The following TTC19 variants were observed in gnomAD, a reference collection of about 807,000 sequenced individuals.
The protein encoded by TTC19 is tetratricopeptide repeat protein 19, mitochondrial.
TTC19 carries 38 observed loss-of-function variants against 49.5 expected under a neutral mutation model. That is an observed-to-expected ratio of 0.77 (90% CI 0.59 to 1.01). TTC19 has a LOEUF of 1.01. Among genes scored for constraint, TTC19 ranks in the 50% least tolerant of loss-of-function variants. TTC19 has a pLI of 0.00. For missense variants in TTC19, 475 were observed against 477.7 expected, an observed-to-expected ratio of 0.99 and a Z score of 0.05; for synonymous variants, 204 against 185.2, an observed-to-expected ratio of 1.10 and a Z score of -0.83.
chr17:16,041,799 C>T (rs372736284), intron 2 of TTC19, among the ~76,000 whole-genome samples: 12 of 150,262 alleles, frequency 8.0e-5, no homozygotes, highest in East Asian at 4.0e-4. Context: ...TGCAGCGGTG[C>T]GATCTTGGCT....
chr17:16,023,503 A>G (rs569250137), intron 7 of TTC19: 1 of 152,346 alleles, frequency 6.6e-6, no homozygotes, highest in South Asian at 2.1e-4. Flanking sequence ...CCATTTACAA[A>G]ATACAGTAAT....
At chr17:16,006,766 G>A (rs1970921019) in intron 7 of TTC19, among the ~76,000 whole-genome samples, 198 bp downstream of exon 7, 1 of 151,488 alleles carries the variant, frequency 6.6e-6, no homozygotes, top group African/African-American at 2.4e-5. Flanking sequence ...TTTTGGTGGT[G>A]GTTTTTTTTT....
intron 7 of TTC19, among the ~76,000 whole-genome samples, chr17:16,007,691 A>G (rs1970952318): frequency 6.6e-6 from 1 of 152,228 alleles, no homozygotes; most frequent in Non-Finnish European, 1.5e-5. Context: ...TACACTGGAC[A>G]AAGATGATTC....
chr17:16,022,187 C>G (rs1567585506), intron 7 of TTC19, among the ~76,000 whole-genome samples: 2 of 152,170 alleles, frequency 1.3e-5, no homozygotes, highest in Non-Finnish European at 2.9e-5. Context: ...ATTACAGAGA[C>G]AACTCAAGCT....
At chr17:16,020,555 T>C (rs1212396814) in intron 7 of TTC19, among the ~76,000 whole-genome samples, 1 of 152,200 alleles carries the variant, frequency 6.6e-6, no homozygotes. Flanking sequence ...TAATGACATC[T>C]CTATATTGGG....
At chr17:16,019,669 G>A (rs986349696) in intron 7 of TTC19, among the ~76,000 whole-genome samples, 6 of 152,200 alleles carry the variant, frequency 3.9e-5, no homozygotes, top group Non-Finnish European at 8.8e-5. Flanking sequence ...CCATGGTATA[G>A]TAGTCCATTG....
intron 8 of TTC19, 27 bp downstream of exon 8, chr17:16,025,198 A>G: frequency 6.2e-7 from 1 of 1,607,626 alleles, no homozygotes; most frequent in Non-Finnish European, 8.5e-7. Context: ...CAGAAGGGGG[A>G]ATATAAAACA....
At chr17:16,015,731 A>G (rs2151665577) in intron 7 of TTC19, among the ~76,000 whole-genome samples, 1 of 152,286 alleles carries the variant, frequency 6.6e-6, no homozygotes, top group Middle Eastern at 3.4e-3. Flanking sequence ...TTATCAATAA[A>G]ATGAAAATAA....
At chr17:16,014,062 C>T (rs1971148132) in intron 7 of TTC19, among the ~76,000 whole-genome samples, 1 of 152,152 alleles carries the variant, frequency 6.6e-6, no homozygotes, top group Non-Finnish European at 1.5e-5. Context: ...TGGCTTTTTC[C>T]CCATGCTCCC....
rs553010912 is a variant in TTC19 at position 16,015,025 on chromosome 17, G to A, written c.676+8457G>A. Reference sequence around the variant, plus strand: ...TATTTAATGCTGATATGTAACTTGCGTTTCTTATGAGATCCACAGTAAATT... The same window carrying A: ...TATTTAATGCTGATATGTAACTTGCATTTCTTATGAGATCCACAGTAAATT... On this transcript the variant is annotated intron_variant, in intron 7 of 9. Coordinates refer to ENST00000261647, the MANE Select transcript of TTC19 (RefSeq NM_017775.4). Among the ~76,000 whole-genome samples the A allele has an allele frequency of 1.7e-4, 26 of 152,216 alleles. No individual in the cohort carries two copies. In the East Asian group the frequency reaches 2.7e-3, roughly 16 times the overall value.
At chr17:16,015,375 C>A (rs1011450406) in intron 7 of TTC19, among the ~76,000 whole-genome samples, 1 of 143,054 alleles carries the variant, frequency 7.0e-6, no homozygotes, top group Non-Finnish European at 1.5e-5. Context: ...TATGGGTGAA[C>A]AAATTTTATA....
At chr17:16,015,592 A>C (rs1207943607) in intron 7 of TTC19, among the ~76,000 whole-genome samples, 1 of 152,132 alleles carries the variant, frequency 6.6e-6, no homozygotes, top group Non-Finnish European at 1.5e-5. Flanking sequence ...AAACATTTCT[A>C]GAAAGTTATT....
At chr17:16,012,665 A>G (rs1423427385) in intron 7 of TTC19, among the ~76,000 whole-genome samples, 1 of 151,824 alleles carries the variant, frequency 6.6e-6, no homozygotes, top group Non-Finnish European at 1.5e-5. Context: ...CAGCCTCCCG[A>G]GTAGCTGGGA....
intron 7 of TTC19, among the ~76,000 whole-genome samples, chr17:16,013,460 C>A (rs1430901958): frequency 1.3e-5 from 2 of 152,170 alleles, no homozygotes; most frequent in Non-Finnish European, 2.9e-5. Flanking sequence ...AAATTGTATG[C>A]ATTCTCACTC....
chr17:16,006,829 T>G (rs1175111390), intron 7 of TTC19, among the ~76,000 whole-genome samples: 1 of 152,136 alleles, frequency 6.6e-6, no homozygotes. Flanking sequence ...TAGTTACATA[T>G]AACTTAAGGA....
intron 4 of TTC19, among the ~76,000 whole-genome samples, chr17:16,003,072 C>G (rs1007381999): frequency 6.6e-6 from 1 of 152,184 alleles, no homozygotes; most frequent in Admixed American, 6.5e-5. Flanking sequence ...CTAAGATAAG[C>G]CCTCCTCTGC....
chr17:16,031,282 T>G, downstream of TTC19: 1 of 194,666 alleles, frequency 5.1e-6, no homozygotes, highest in Non-Finnish European at 1.1e-5. Context: ...ATCTAAATAC[T>G]ACACAGATCA....
chr17:16,039,038 G>T (rs1321065674), intron 2 of TTC19, among the ~76,000 whole-genome samples: 1 of 152,164 alleles, frequency 6.6e-6, no homozygotes, highest in East Asian at 1.9e-4. Context: ...CAAAGTGCTG[G>T]GATTACAGGC....
intron 6 of TTC19, among the ~76,000 whole-genome samples, chr17:16,005,208 A>G (rs988474690): frequency 6.6e-6 from 1 of 152,236 alleles, no homozygotes; most frequent in Non-Finnish European, 1.5e-5. Flanking sequence ...GAAGCATGAG[A>G]CTAGAAAAGA....
Sources: allele counts gnomAD v4.1 joint callset (sites outside exome capture counted in the v4.1 genomes callset), GRCh38; gene constraint gnomAD v4.1.1; transcripts MANE v1.5; gene names NCBI Gene and HGNC (gene_info 2026-07-23, HGNC 2026-07-21).